Variants in ATAD2 observed in about 807,000 individuals in gnomAD.
ATAD2 encodes ATPase family AAA domain-containing protein 2.
Under a neutral mutation model 168.9 loss-of-function variants are expected in ATAD2, and 62 were observed. That is an observed-to-expected ratio of 0.37 (90% confidence interval 0.30 to 0.45). ATAD2 has a LOEUF of 0.45. Among genes scored for constraint, ATAD2 ranks in the 20% least tolerant of loss-of-function variants. The pLI is 1.00. For synonymous variants in ATAD2, 613 were observed against 571.6 expected, an observed-to-expected ratio of 1.07 and a Z score of -1.03; for missense variants, 1,419 against 1,667.8, an observed-to-expected ratio of 0.85 and a Z score of 2.60.
At chr8:123,396,787 T>G (rs1024048590), upstream of ATAD2, among the ~76,000 whole-genome samples, 225 of 152,188 alleles carry the variant, frequency 1.5e-3, 3 homozygotes, top group African/African-American at 5.1e-3. Flanking sequence ...GATTGGCTGG[T>G]GGGGTCCGGC....
chr8:123,380,408 A>C (rs931376678), intron 2 of ATAD2, 121 bp downstream of exon 2: 1 of 1,052,954 alleles, frequency 9.5e-7, no homozygotes, highest in African/African-American at 1.6e-5. Flanking sequence ...TTTCAAATAA[A>C]CTACATTTTA....
chr8:123,360,503 T>C (rs910293949), intron 9 of ATAD2, among the ~76,000 whole-genome samples: 1 of 152,142 alleles, frequency 6.6e-6, no homozygotes, highest in African/African-American at 2.4e-5. Flanking sequence ...CACCAACATC[T>C]GGCTAATTTT....
intron 19 of ATAD2, among the ~76,000 whole-genome samples, chr8:123,343,793 A>AAAAGAGTGTGATGG (rs1391784852): frequency 1.3e-5 from 2 of 152,176 alleles, no homozygotes; most frequent in African/African-American, 2.4e-5. Context: ...AGGAAAAGGG[A>AAAAGAGTGTGATGG]AAAGAGTGTG....
At chr8:123,342,535 TA>T (rs1212009491) in intron 19 of ATAD2, 2 of 152,012 alleles carry the variant, frequency 1.3e-5, no homozygotes, top group African/African-American at 4.8e-5. Flanking sequence ...GTTGGATTTT[TA>T]GGAGTCAAAG....
chr8:123,396,687 C>A (rs1313494633), upstream of ATAD2, among the ~76,000 whole-genome samples: 2 of 152,196 alleles, frequency 1.3e-5, no homozygotes, highest in African/African-American at 4.8e-5. Context: ...TCGCTGAGCT[C>A]GGCGGAAGGA....
Position 123,325,980 on chromosome 8 carries a change from T to C in ATAD2, c.3915A>G (p.Glu1305=), listed in dbSNP as rs768334874. ...TTTCAACAGTGATGAGCTGCTGCTG[T>C]TCTACCTGGGAACGTCTAGCTCGAG... ...RMTRARRSQV[E]QQQLITVEKA... is the part of the protein sequence containing the mutation. The change falls in exon 26 of 28, where the codon GAA becomes GAG. Residue 1305 remains glutamate, a synonymous_variant. Coordinates refer to ENST00000287394, the MANE Select transcript of ATAD2 (RefSeq NM_014109.4). The C allele has an allele frequency of 6.2e-6, 10 of 1,613,980 alleles. No individual in the cohort carries two copies. Among genetic ancestry groups the C allele is most frequent in the Non-Finnish European group, 8.5e-6 (10 of 1,179,978 alleles).
At chr8:123,365,477 T>C (rs1399111887) in intron 8 of ATAD2, among the ~76,000 whole-genome samples, 2 of 152,008 alleles carry the variant, frequency 1.3e-5, no homozygotes, top group African/African-American at 4.8e-5. Flanking sequence ...CCAAAGCAAG[T>C]CTAAGCAAAA....
At chr8:123,382,093 C>T (rs2129863202) in intron 1 of ATAD2, among the ~76,000 whole-genome samples, 1 of 152,188 alleles carries the variant, frequency 6.6e-6, no homozygotes, top group Middle Eastern at 3.4e-3. Context: ...GTCAAAGGTT[C>T]CTAACAACTC....
At chr8:123,415,309 G>A (rs1267670182) in intron 1 of ATAD2, among the ~76,000 whole-genome samples, 1 of 152,164 alleles carries the variant, frequency 6.6e-6, no homozygotes, top group Non-Finnish European at 1.5e-5. Context: ...TAGCATAGAG[G>A]CTATGTGGAA....
At chr8:123,414,152 A>AT (rs565090749) in intron 1 of ATAD2, among the ~76,000 whole-genome samples, 18 of 145,254 alleles carry the variant, frequency 1.2e-4, no homozygotes, top group East Asian at 6.1e-4. Flanking sequence ...ATGAAATCAG[A>AT]TTTTTTTAAC....
intron 5 of ATAD2, 36 bp downstream of exon 5, chr8:123,371,199 AT>A (rs1386564138): frequency 6.7e-7 from 1 of 1,496,048 alleles, no homozygotes; most frequent in African/African-American, 1.4e-5. Flanking sequence ...ATTAAACTGG[AT>A]ATTAAATCAT....
intron 1 of ATAD2, among the ~76,000 whole-genome samples, chr8:123,383,952 G>A (rs1445563063): frequency 4.1e-5 from 6 of 145,312 alleles, no homozygotes; most frequent in African/African-American, 1.0e-4. Flanking sequence ...GTGGTAGCAC[G>A]TGCCTGTAAT....
intron 1 of ATAD2, among the ~76,000 whole-genome samples, chr8:123,387,647 T>C (rs113967609): frequency 0.01 from 1,558 of 152,322 alleles, 34 homozygotes; most frequent in African/African-American, 0.036. Context: ...TATAGTTCTT[T>C]AAAAGTGAAG....
At chr8:123,396,561 T>C (rs567970170), upstream of ATAD2, 106 of 574,122 alleles carry the variant, frequency 1.8e-4, no homozygotes, top group African/African-American at 2.0e-3. Flanking sequence ...TCCTCCCATT[T>C]GTAGAGCGAA....
chr8:123,393,922 A>T (rs1812710858), intron 1 of ATAD2, among the ~76,000 whole-genome samples: 1 of 152,144 alleles, frequency 6.6e-6, no homozygotes, highest in African/African-American at 2.4e-5. Flanking sequence ...GTCTCAAAAT[A>T]ATAAATAAAT....
At chr8:123,408,973 G>A (rs1586915132) in intron 1 of ATAD2, among the ~76,000 whole-genome samples, 2 of 151,804 alleles carry the variant, frequency 1.3e-5, no homozygotes, top group African/African-American at 4.8e-5. Flanking sequence ...GACTACAGGC[G>A]CGTGCCACCA....
In ATAD2 at chr8:123,396,371, T is replaced by A; in HGVS notation, c.-14A>T. ...GAGAACCACCATCTTCTCTCCCTAC[T>A]GGCCTCGGCGTGCGCGACCGGAGAG... On this transcript the variant is annotated 5_prime_UTR_variant, in exon 1 of 28. Transcript: ENST00000287394. 1 of 1,561,160 alleles carries A rather than the reference T, an allele frequency of 6.4e-7. No homozygotes were observed. The highest frequency in any genetic ancestry group is 1.1e-5 in the South Asian group (1 of 88,044).
intron 20 of ATAD2, among the ~76,000 whole-genome samples, 172 bp from the exon 21 acceptor site, chr8:123,337,993 C>T (rs900239212): frequency 2.6e-5 from 4 of 152,162 alleles, no homozygotes; most frequent in African/African-American, 9.7e-5. Context: ...ACGTCCCCTC[C>T]AGAAATCATT....
intron 25 of ATAD2, among the ~76,000 whole-genome samples, chr8:123,327,786 A>G (rs573387033): frequency 8.7e-4 from 133 of 152,298 alleles, no homozygotes; most frequent in Non-Finnish European, 1.7e-3. Flanking sequence ...TGTTCATACC[A>G]CTCAGCAAGA....
Sources: gnomAD v4.1 joint callset for allele counts (sites outside exome capture counted in the v4.1 genomes callset) on GRCh38, gnomAD v4.1.1 for gene constraint, MANE v1.5 for transcripts, NCBI Gene and HGNC (gene_info 2026-07-23, HGNC 2026-07-21) for gene names.